NTN4: variants seen among roughly 807,000 people sequenced by gnomAD.
NTN4 encodes netrin 4.
In NTN4, 32 loss-of-function variants were observed where a neutral mutation model predicts 73.6. The observed-to-expected ratio is 0.44, with a 90% CI of 0.33 to 0.58. The LOEUF (loss-of-function observed/expected upper bound fraction) is 0.58. NTN4 is among the 20% of genes least tolerant of loss of function. The probability of loss-of-function intolerance (pLI) is 0.04; values close to 1 mark genes in which losing one functional copy is unlikely to be tolerated. For synonymous variants in NTN4, 258 were observed against 287.5 expected (o/e 0.90, Z 1.04); for missense variants, 654 against 798.3 (o/e 0.82, Z 2.18).
At chr12:95,704,862 T>C (rs2121066519) in intron 5 of NTN4, among the ~76,000 whole-genome samples, 1 of 152,256 alleles carries the variant, frequency 6.6e-6, no homozygotes, top group East Asian at 1.9e-4. Flanking sequence ...CGGGGAGCTG[T>C]CTGGAGAGGG....
rs530200580 is a variant in NTN4, at chr12:95,782,919, A to C, written c.585+4020T>G. ...CAGTGATCATCGCAATTCCAGTGTC[A>C]TGAGGCCTGACTGTGTGGCATCTAA... On this transcript the variant is annotated intron_variant, in intron 2 of 9. Coordinates refer to ENST00000343702, the MANE Select transcript of NTN4 (RefSeq NM_021229.4). Among the ~76,000 whole-genome samples, 16 of 152,316 alleles carry C rather than the reference A, an allele frequency of 1.1e-4. 1 individual carries two copies. The South Asian group carries it at 3.3e-3, about 32-fold the overall frequency.
chr12:95,678,234 G>T (rs746430815), intron 7 of NTN4, among the ~76,000 whole-genome samples: 5 of 151,456 alleles, frequency 3.3e-5, no homozygotes, highest in Non-Finnish European at 7.4e-5. Flanking sequence ...AATACCTAAT[G>T]CGTGCAGGGC....
intron 3 of NTN4, among the ~76,000 whole-genome samples, chr12:95,732,736 G>A (rs1374980578): frequency 6.6e-6 from 1 of 152,052 alleles, no homozygotes; most frequent in African/African-American, 2.4e-5. Flanking sequence ...CTTATTCATA[G>A]AACATGAATA....
intron 9 of NTN4, 82 bp downstream of exon 9, chr12:95,665,728 T>C: frequency 9.3e-7 from 1 of 1,073,810 alleles, no homozygotes; most frequent in South Asian, 1.8e-5. Flanking sequence ...AGTTTGTTTA[T>C]GTTGTGCTTC....
rs2079178632 is a variant in NTN4 at position 95,787,523 on chromosome 12, T to C, written c.56-55A>G. On this transcript the variant is annotated intron_variant, in intron 1 of 9. Transcript: ENST00000343702. ...GACAAACCCATCTGGAAAGCTCTTT[T>C]GGCCACCTAGTCCATCAACAACAGT... The C allele has an allele frequency of 2.6e-6, 4 of 1,553,288 alleles. No homozygotes were observed. In the African/African-American group the frequency reaches 5.4e-5, roughly 21 times the overall value.
At position 95,720,722 on chromosome 12, in the gene NTN4, T is replaced by C. The variant is rs528786035; in HGVS notation, c.865-7384A>G. Among the ~76,000 whole-genome samples the C allele has an allele frequency of 1.1e-4, 16 of 152,304 alleles. 1 individual carries two copies. In the East Asian group the frequency reaches 2.9e-3, roughly 28 times the overall value. ...TTCCTATAAGGGGTATACAGGTTTA[T>C]ACCTGGGCAAGGCATGTTGATAAAT... On this transcript the variant is annotated intron_variant, in intron 3 of 9. Coordinates refer to ENST00000343702, the MANE Select transcript of NTN4 (RefSeq NM_021229.4).
chr12:95,672,420 C>T (rs1176781822), intron 7 of NTN4: 1 of 1,200,026 alleles, frequency 8.3e-7, no homozygotes, highest in Non-Finnish European at 1.2e-6. Context: ...GGAGGTGAAG[C>T]GCAGGCGGGC....
chr12:95,740,401 G>T (rs570599638), intron 2 of NTN4, among the ~76,000 whole-genome samples: 37 of 152,254 alleles, frequency 2.4e-4, no homozygotes, highest in Admixed American at 1.2e-3. Context: ...GGAAGGGAAT[G>T]TATCTATAGG....
chr12:95,751,635 G>T (rs2078908190), intron 2 of NTN4, among the ~76,000 whole-genome samples: 1 of 152,052 alleles, frequency 6.6e-6, no homozygotes. Context: ...GATCTTCTCG[G>T]CTTAGCGGCT....
At chr12:95,730,632 G>T (rs2078730693) in intron 3 of NTN4, among the ~76,000 whole-genome samples, 1 of 152,112 alleles carries the variant, frequency 6.6e-6, no homozygotes, top group Admixed American at 6.6e-5. Flanking sequence ...CGTGAATTTG[G>T]CTTGCCCTTC....
intron 7 of NTN4, chr12:95,672,714 T>A: frequency 7.1e-7 from 1 of 1,418,016 alleles, no homozygotes; most frequent in Non-Finnish European, 1.0e-6. Flanking sequence ...GCAACATCAG[T>A]AAGGATCGTA....
intron 6 of NTN4, among the ~76,000 whole-genome samples, chr12:95,683,058 T>TTTTGC (rs2078331325): frequency 6.6e-6 from 1 of 151,714 alleles, no homozygotes; most frequent in African/African-American, 2.4e-5. Context: ...AAATTATTGG[T>TTTTGC]TTTGTTTTGT....
intron 2 of NTN4, among the ~76,000 whole-genome samples, chr12:95,786,263 T>C (rs1418165282): frequency 6.6e-6 from 1 of 152,212 alleles, no homozygotes; most frequent in Non-Finnish European, 1.5e-5. Context: ...TTTCAAGGTA[T>C]TGCCACATAA....
intron 2 of NTN4, among the ~76,000 whole-genome samples, chr12:95,753,846 T>G (rs2078928080): frequency 6.6e-6 from 1 of 152,140 alleles, no homozygotes; most frequent in Non-Finnish European, 1.5e-5. Flanking sequence ...GGCCCCAGTC[T>G]CATTCGACAC....
chr12:95,749,263 C>G (rs2078885760), intron 2 of NTN4, among the ~76,000 whole-genome samples: 3 of 152,218 alleles, frequency 2.0e-5, no homozygotes, highest in Admixed American at 2.0e-4. Flanking sequence ...TTGGTGGTCT[C>G]TTCACATGGA....
intron 5 of NTN4, among the ~76,000 whole-genome samples, chr12:95,697,259 T>G (rs1194987532): frequency 6.6e-6 from 1 of 152,136 alleles, no homozygotes; most frequent in Non-Finnish European, 1.5e-5. Flanking sequence ...GGCAGCAAAA[T>G]TTCTTTCACA....
At chr12:95,686,418 G>A (rs11108197) in intron 5 of NTN4, among the ~76,000 whole-genome samples, 24 of 152,068 alleles carry the variant, frequency 1.6e-4, no homozygotes, top group African/African-American at 5.8e-4. Context: ...ATCATTTAGC[G>A]ATCTGAGCCA....
At chr12:95,754,791 C>T (rs187405614) in intron 2 of NTN4, among the ~76,000 whole-genome samples, 1 of 152,204 alleles carries the variant, frequency 6.6e-6, no homozygotes, top group African/African-American at 2.4e-5. Context: ...TTCACTGACT[C>T]TCTTTTCGGA....
chr12:95,757,649 A>G (rs2078955445), intron 2 of NTN4, among the ~76,000 whole-genome samples: 2 of 151,638 alleles, frequency 1.3e-5, no homozygotes, highest in South Asian at 4.2e-4. Context: ...GGGGCCATCT[A>G]TGGTTAGAGC....
Sources: allele counts gnomAD v4.1 joint callset (sites outside exome capture counted in the v4.1 genomes callset), GRCh38; gene constraint gnomAD v4.1.1; transcripts MANE v1.5; gene names NCBI Gene and HGNC (gene_info 2026-07-23, HGNC 2026-07-21).